The following TINAGL1 variants were observed in gnomAD, a reference collection of about 807,000 sequenced individuals.
The protein encoded by TINAGL1 is tubulointerstitial nephritis antigen-like.
TINAGL1 carries 34 observed loss-of-function variants against 62.0 expected under a neutral mutation model. The ratio of observed to expected loss-of-function variants is 0.55; its 90% CI spans 0.42 to 0.73. The LOEUF is 0.73. TINAGL1 is among the 30% of genes least tolerant of loss of function. TINAGL1 has a pLI of 0.00. For missense variants in TINAGL1, 516 were observed against 653.2 expected (o/e 0.79, Z 2.29); for synonymous variants, 221 against 249.7 (o/e 0.88, Z 1.08).
chr1:31,587,286 G>T lies in TINAGL1; in HGVS notation c.*307G>T, dbSNP rs1639424494. On this transcript the variant is annotated 3_prime_UTR_variant, in exon 12 of 12. Coordinates refer to ENST00000271064, the MANE Select transcript of TINAGL1 (RefSeq NM_022164.3). ...GACTACCAAAGCCAGGACACCTCAAGTCTCCAGCCCCACTACCCCACCCCA... is the reference window on the plus strand; with the variant it reads ...GACTACCAAAGCCAGGACACCTCAATTCTCCAGCCCCACTACCCCACCCCA... 1 of 264,262 alleles carries T rather than the reference G, an allele frequency of 3.8e-6. No individual in the cohort carries two copies. Among genetic ancestry groups the T allele is most frequent in the South Asian group, 1.6e-4 (1 of 6,186 alleles). The allele number at this position is 264,262 out of a possible 1,614,324, so 16.4% of individuals were successfully genotyped here.
At chr1:31,579,363 GT>G (rs1639141003) in intron 3 of TINAGL1, 96 bp downstream of exon 3, 1 of 1,113,326 alleles carries the variant, frequency 9.0e-7, no homozygotes, top group Admixed American at 1.9e-5. Context: ...CAAGGGAGAA[GT>G]CTTTTCCCTT....
In TINAGL1 at chr1:31,584,493, ACT is replaced by A; in HGVS notation, c.583-184_583-183del. The A allele has an allele frequency of 1.6e-6, 1 of 608,902 alleles. No homozygotes were observed. The highest frequency in any genetic ancestry group is 2.7e-6 in the Non-Finnish European group (1 of 369,432). The allele number at this position is 608,902 out of a possible 1,614,324, so 37.7% of individuals were successfully genotyped here. A position where few individuals can be genotyped will look rare whatever the true frequency, so the allele number is the denominator to read the frequency against. ...CCCCACCACCTGATACCTGGGAGGC[ACT>A]AAATGGTGCTTGGTTCTTCAACACA... On this transcript the variant is annotated intron_variant, in intron 5 of 11. Coordinates refer to ENST00000271064, the MANE Select transcript of TINAGL1 (RefSeq NM_022164.3). The surrounding 1 kb of genome is among the most constrained non-coding windows in gnomAD (Gnocchi z 4.0).
rs71006310 is a variant in TINAGL1, at chr1:31,578,498, A to ATGTG, written c.311-691_311-688dup. Among the ~76,000 whole-genome samples the ATGTG allele has an allele frequency of 6.9e-5, 3 of 43,260 alleles. No homozygotes were observed. The Admixed American group carries it at 8.2e-4, about 12-fold the overall frequency. The allele number at this position is 43,260 out of a possible 152,430, so 28.4% of individuals were successfully genotyped here. ...TAGTTTAATTTCAGTGAGAGCTGGT[A>ATGTG]TGTGTGTGTGTGTGTGTGATGTCTT... On this transcript the variant is annotated intron_variant, in intron 2 of 11. Coordinates refer to ENST00000271064, the MANE Select transcript of TINAGL1 (RefSeq NM_022164.3).
intron 10 of TINAGL1, chr1:31,586,327 T>G: frequency 2.5e-6 from 1 of 405,832 alleles, no homozygotes; most frequent in Non-Finnish European, 4.5e-6. Flanking sequence ...GATACCCATA[T>G]TCTCAGAGTG....
chr1:31,586,954 G>A lies in TINAGL1; in HGVS notation c.1379G>A (p.Gly460Asp). Residue 460 changes from glycine (G) to aspartate (D), a missense_variant, in exon 12 of 12, where the codon GGC becomes GAC. Physicochemically the swap from Gly to Asp is moderately conservative, Grantham distance 94 (BLOSUM62 -1). Coordinates refer to ENST00000271064, the MANE Select transcript of TINAGL1 (RefSeq NM_022164.3). The part of the protein sequence containing the change: ...SFVLGVWGRV[G>D]MEDMGHH ...GTGCTGGGCGTCTGGGGCCGCGTGG[G>A]CATGGAGGACATGGGTCATCACTGA... 6.5e-7 allele frequency: 1 copy of A among 1,531,678 alleles called. No homozygotes were observed. Among genetic ancestry groups the A allele is most frequent in the Admixed American group, 2.2e-5 (1 of 45,944 alleles). The allele number at this position is 1,531,678 out of a possible 1,614,324, so 94.9% of individuals were successfully genotyped here.
Position 31,585,418 on chromosome 1 carries a change from C to T in TINAGL1, c.1048-22C>T, listed in dbSNP as rs1388343631. ...GAGTCTCACCCCTGACGTATGCTCT[C>T]TGTCCATCCCCTGCCCTCCAGGACA... On this transcript the variant is annotated intron_variant, in intron 8 of 11. Transcript: ENST00000271064. The surrounding 1 kb of genome is among the most constrained non-coding windows in gnomAD (Gnocchi z 4.3). 3 of 1,613,740 alleles carry T rather than the reference C, an allele frequency of 1.9e-6. No homozygotes were observed. Among genetic ancestry groups the T allele is most frequent in the East Asian group, 2.2e-5 (1 of 44,882 alleles).
chr1:31,576,973 G>A lies in TINAGL1; in HGVS notation c.-15-161G>A. The stretch of plus-strand genomic sequence containing the variant: ...CAGTCCCCATCCCCCTATAGCCAGG[G>A]CCCACACACTGGGGCTCCTCTGCCC... On this transcript the variant is annotated intron_variant, in intron 1 of 11. Transcript: ENST00000271064. The surrounding 1 kb of genome is among the most constrained non-coding windows in gnomAD (Gnocchi z 5.1). The A allele has an allele frequency of 1.6e-6, 1 of 630,780 alleles. No individual in the cohort carries two copies. Among genetic ancestry groups the A allele is most frequent in the Non-Finnish European group, 2.6e-6 (1 of 380,472 alleles). 39.1% of individuals were successfully genotyped at this position (630,780 alleles called of 1,614,324 possible).
rs1639021098 is a variant in TINAGL1, at chr1:31,577,522, G to C, written c.310+64G>C. On this transcript the variant is annotated intron_variant, in intron 2 of 11. Coordinates refer to ENST00000271064, the MANE Select transcript of TINAGL1 (RefSeq NM_022164.3). The surrounding 1 kb of genome is among the most constrained non-coding windows in gnomAD (Gnocchi z 5.4). ...CCACCTCAGACTCAGCAAGGCTCAA[G>C]AGCAAAGCTGATGGATGCACTGACA... 4 of 1,510,494 alleles carry C rather than the reference G, an allele frequency of 2.6e-6. No individual in the cohort carries two copies. In the Admixed American group the frequency reaches 7.9e-5, roughly 30 times the overall value. 93.6% of individuals were successfully genotyped at this position (1,510,494 alleles called of 1,614,324 possible).
In TINAGL1 at chr1:31,583,512, C is replaced by T; in HGVS notation, c.519C>T (p.Gly173=). 6.2e-7 allele frequency: 1 copy of T among 1,614,092 alleles called. No individual in the cohort carries two copies. The highest frequency in any genetic ancestry group is 2.2e-5 in the East Asian group (1 of 44,886). The change falls in exon 5 of 12, where the codon GGC becomes GGT. Residue 173 remains glycine, a synonymous_variant. Coordinates refer to ENST00000271064, the MANE Select transcript of TINAGL1 (RefSeq NM_022164.3). This position sits in a 1 kb window ranked among gnomAD's most constrained non-coding sequence, Gnocchi z 4.4. ...SAFWGMTLDE[G]IRYRLGTIRP... is the part of the protein sequence containing the mutation. ...TCTGGGGCATGACCCTGGATGAGGG[C>T]ATTCGCTACCGCCTGGGCACCATCC...
Position 31,583,482 on chromosome 1 carries a change from C to A in TINAGL1, c.489C>A (p.Ser163Arg). ...TCAGCTGGCAGGCTGGGAACCACAG[C>A]GCCTTCTGGGGCATGACCCTGGATG... ...GNYGWQAGNH[S>R]AFWGMTLDEG... Residue 163 changes from serine (S) to arginine (R), a missense_variant, in exon 5 of 12, where the codon AGC becomes AGA. Physicochemically the swap from Ser to Arg is moderately radical, Grantham distance 110. Transcript: ENST00000271064. The surrounding 1 kb of genome is among the most constrained non-coding windows in gnomAD (Gnocchi z 4.4). The A allele has an allele frequency of 2.5e-6, 4 of 1,613,872 alleles. No individual in the cohort carries two copies. The South Asian group carries it at 3.3e-5, about 13-fold the overall frequency.
Position 31,584,743 on chromosome 1 carries a change from G to A in TINAGL1, c.648G>A (p.Leu216=), listed in dbSNP as rs150515258. 54 of 1,614,218 alleles carry A rather than the reference G, an allele frequency of 3.3e-5. No homozygotes were observed. In the African/African-American group the frequency reaches 6.3e-4, roughly 19 times the overall value. The stretch of plus-strand genomic sequence containing the variant: ...AGGCCTCTGAGAAGTGGCCCAACCT[G>A]ATTCATGAGCCTCTTGACCAAGGCA... ...AFEASEKWPN[L]IHEPLDQGNC... is the part of the protein sequence containing the mutation. Residue 216 remains leucine, a synonymous_variant, in exon 6 of 12, where the codon CTG becomes CTA. Coordinates refer to ENST00000271064, the MANE Select transcript of TINAGL1 (RefSeq NM_022164.3). The surrounding 1 kb of genome is among the most constrained non-coding windows in gnomAD (Gnocchi z 4.0).
intron 2 of TINAGL1, 122 bp from the exon 3 acceptor site, chr1:31,579,082 A>G: frequency 1.4e-6 from 1 of 716,950 alleles, no homozygotes; most frequent in Non-Finnish European, 2.5e-6. Context: ...TGTGTGTGAG[A>G]CAGAGAGAGA....
In TINAGL1 at chr1:31,586,985, CG is replaced by C; in HGVS notation, c.*9del. 6.8e-7 allele frequency: 1 copy of C among 1,474,208 alleles called. No homozygotes were observed. The highest frequency in any genetic ancestry group is 9.0e-7 in the Non-Finnish European group (1 of 1,115,856). The allele number at this position is 1,474,208 out of a possible 1,614,324, so 91.3% of individuals were successfully genotyped here. The stretch of plus-strand genomic sequence containing the variant: ...AGGACATGGGTCATCACTGAGGCTG[CG>C]GGCACCACGCGGGGTCCGGCCTGGG... On this transcript the variant is annotated 3_prime_UTR_variant, in exon 12 of 12. Transcript: ENST00000271064.
chr1:31,578,720 GGT>G lies in TINAGL1; in HGVS notation c.311-466_311-465del, dbSNP rs34119771. Among the ~76,000 whole-genome samples, 89 of 80,234 alleles carry G rather than the reference GGT, an allele frequency of 1.1e-3. 4 individuals are homozygous for G. The highest frequency in any genetic ancestry group is 4.2e-3 in the African/African-American group (76 of 18,238). The allele number at this position is 80,234 out of a possible 152,430, so 52.6% of individuals were successfully genotyped here. On this transcript the variant is annotated intron_variant, in intron 2 of 11. Transcript: ENST00000271064. Reference sequence around the variant, plus strand: ...TTATAGCTTAATCTCAGTGAGAGCTGGTGTGTGTGTGTGTGTGTGATGTCTTC... The same window carrying G: ...TTATAGCTTAATCTCAGTGAGAGCTGGTGTGTGTGTGTGTGTGATGTCTTC...
At position 31,587,066 on chromosome 1, in the gene TINAGL1, G is replaced by C. The variant is rs1639416388; in HGVS notation, c.*87G>C. 3 of 1,348,674 alleles carry C rather than the reference G, an allele frequency of 2.2e-6. No individual in the cohort carries two copies. The highest frequency in any genetic ancestry group is 2.8e-6 in the Non-Finnish European group (3 of 1,057,366). 83.5% of individuals were successfully genotyped at this position (1,348,674 alleles called of 1,614,324 possible). A position where few individuals can be genotyped will look rare whatever the true frequency, so the allele number is the denominator to read the frequency against. ...CCAATGGGGCGGTGACCCCAGCCTCGCCCGACAGAGCCCGGGGCGCAGGCG... is the reference window on the plus strand; with the variant it reads ...CCAATGGGGCGGTGACCCCAGCCTCCCCCGACAGAGCCCGGGGCGCAGGCG... On this transcript the variant is annotated 3_prime_UTR_variant, in exon 12 of 12. Transcript: ENST00000271064.
In TINAGL1 at chr1:31,585,038, T is replaced by C. The variant is rs1369815253; in HGVS notation, c.857+2T>C. ...CTGGTGGTTCCTGCGTCGCCGAGGGTATGCAGCAACAGGGGATGTGGGCAG... is the reference window on the plus strand; with the variant it reads ...CTGGTGGTTCCTGCGTCGCCGAGGGCATGCAGCAACAGGGGATGTGGGCAG... On this transcript the variant is annotated splice_donor_variant, in intron 7 of 11. Coordinates refer to ENST00000271064, the MANE Select transcript of TINAGL1 (RefSeq NM_022164.3). LOFTEE classifies it high-confidence loss of function. This position sits in a 1 kb window ranked among gnomAD's most constrained non-coding sequence, Gnocchi z 4.3. The C allele has an allele frequency of 6.3e-7, 1 of 1,592,564 alleles. No individual in the cohort carries two copies. Among genetic ancestry groups the C allele is most frequent in the Admixed American group, 1.7e-5 (1 of 58,288 alleles).
At position 31,585,416 on chromosome 1, in the gene TINAGL1, C is replaced by G; in HGVS notation, c.1048-24C>G. On this transcript the variant is annotated intron_variant, in intron 8 of 11. Transcript: ENST00000271064. This position sits in a 1 kb window ranked among gnomAD's most constrained non-coding sequence, Gnocchi z 4.3. The stretch of plus-strand genomic sequence containing the variant: ...TGGAGTCTCACCCCTGACGTATGCT[C>G]TCTGTCCATCCCCTGCCCTCCAGGA... 1.2e-6 allele frequency: 2 copies of G among 1,613,608 alleles called. No homozygotes were observed. Among genetic ancestry groups the G allele is most frequent in the South Asian group, 1.1e-5 (1 of 90,992 alleles).
Position 31,584,491 on chromosome 1 carries a change from G to A in TINAGL1, c.583-187G>A, listed in dbSNP as rs962066171. 4 of 819,698 alleles carry A rather than the reference G, an allele frequency of 4.9e-6. No homozygotes were observed. The highest frequency in any genetic ancestry group is 3.4e-5 in the African/African-American group (2 of 58,024). The allele number at this position is 819,698 out of a possible 1,614,324, so 50.8% of individuals were successfully genotyped here. A position where few individuals can be genotyped will look rare whatever the true frequency, so the allele number is the denominator to read the frequency against. On this transcript the variant is annotated intron_variant, in intron 5 of 11. Transcript: ENST00000271064. The surrounding 1 kb of genome is among the most constrained non-coding windows in gnomAD (Gnocchi z 4.0). ...CGCCCCACCACCTGATACCTGGGAG[G>A]CACTAAATGGTGCTTGGTTCTTCAA...
At chr1:31,580,185 CTCTCTCTCTCTCTCTCTCTCTCTCTCTG>C (rs1329416451) in intron 3 of TINAGL1, 8,562 of 407,374 alleles carry the variant, frequency 0.021, 128 homozygotes, top group African/African-American at 0.038. Flanking sequence ...CTCTCTCTCT[CTCTCTCTCTCTCTCTCTCTCTCTCTCTG>C]TCTCTCTCTC....
Sources: gnomAD v4.1 joint callset for allele counts (sites outside exome capture counted in the v4.1 genomes callset) on GRCh38, gnomAD v4.1.1 for gene constraint, Gnocchi (gnomAD v3.1) non-coding constraint, MANE v1.5 for transcripts, NCBI Gene and HGNC (gene_info 2026-07-23, HGNC 2026-07-21) for gene names.